ZFHX3: variants seen among roughly 807,000 people sequenced by gnomAD.
ZFHX3 encodes zinc finger homeobox protein 3.
Under a neutral mutation model 279.1 loss-of-function variants are expected in ZFHX3, and 42 were observed. The observed-to-expected ratio is 0.15, with a 90% CI of 0.12 to 0.19. The LOEUF is 0.19. Among genes scored for constraint, ZFHX3 ranks in the 10% least tolerant of loss-of-function variants. The pLI, the probability that ZFHX3 is intolerant of heterozygous loss-of-function variation, is 1.00. For synonymous variants in ZFHX3, 2,293 were observed against 1,957.8 expected, an observed-to-expected ratio of 1.17 and a Z score of -4.52; for missense variants, 4,981 against 4,754.0, an observed-to-expected ratio of 1.05 and a Z score of -1.40.
At chr16:73,729,468 G>A (rs928617282) in intron 1 of ZFHX3, among the ~76,000 whole-genome samples, 9 of 151,972 alleles carry the variant, frequency 5.9e-5, no homozygotes, top group Non-Finnish European at 1.3e-4. Flanking sequence ...GGCAGAGGCT[G>A]TAGTGAGCCG....
rs2035986720 is a variant in ZFHX3 at position 72,798,374 on chromosome 16, G to A, written c.4308C>T (p.Arg1436=). 1.2e-6 allele frequency: 2 copies of A among 1,614,212 alleles called. No homozygotes were observed. The highest frequency in any genetic ancestry group is 1.7e-6 in the Non-Finnish European group (2 of 1,180,038). Residue 1436 remains arginine (R), a synonymous_variant, in exon 9 of 10, where the codon CGC becomes CGT. Coordinates refer to ENST00000268489, the MANE Select transcript of ZFHX3 (RefSeq NM_006885.4). ...RAATMCCLCQ[R]SFRTFQALKK... ...TCAGAGCCTGGAAAGTTCGGAAACT[G>A]CGCTGACAAAGACAGCACATGGTGG...
At chr16:73,132,421 G>C (rs1966703400) in intron 6 of ZFHX3, among the ~76,000 whole-genome samples, 1 of 152,146 alleles carries the variant, frequency 6.6e-6, no homozygotes, top group African/African-American at 2.4e-5. Context: ...CAAGAAGAGG[G>C]AAGGAGACTG....
chr16:73,462,237 A>T (rs952942870), intron 2 of ZFHX3, among the ~76,000 whole-genome samples: 2 of 152,288 alleles, frequency 1.3e-5, no homozygotes, highest in Admixed American at 6.5e-5. Flanking sequence ...TAACTTATTC[A>T]TTCTAAAAGC....
intron 1 of ZFHX3, among the ~76,000 whole-genome samples, chr16:73,706,888 A>G (rs114977532): frequency 0.032 from 4,935 of 152,234 alleles, 269 homozygotes; most frequent in African/African-American, 0.11. Context: ...TCCATGAGTT[A>G]CTTGTCTTCT....
At chr16:73,768,714 A>C (rs2053982563) in intron 1 of ZFHX3, among the ~76,000 whole-genome samples, 1 of 152,206 alleles carries the variant, frequency 6.6e-6, no homozygotes, top group South Asian at 2.1e-4. Context: ...ATTTGAGATA[A>C]CAGATTAAAT....
chr16:73,860,833 A>G (rs1458795576), intron 1 of ZFHX3, among the ~76,000 whole-genome samples: 2 of 152,174 alleles, frequency 1.3e-5, no homozygotes, highest in African/African-American at 2.4e-5. Flanking sequence ...AACAAGTGTC[A>G]GGGGCCACTC....
chr16:73,471,817 G>A (rs1267682660), intron 2 of ZFHX3, among the ~76,000 whole-genome samples: 7 of 152,192 alleles, frequency 4.6e-5, no homozygotes, highest in Non-Finnish European at 1.0e-4. Context: ...GAGAAAATGA[G>A]GAAGCTGCTT....
intron 3 of ZFHX3, among the ~76,000 whole-genome samples, chr16:73,436,415 C>T (rs1196183087): frequency 6.6e-6 from 1 of 152,104 alleles, no homozygotes; most frequent in Non-Finnish European, 1.5e-5. Context: ...TACATGGCAG[C>T]AGACAAGAGA....
intron 1 of ZFHX3, among the ~76,000 whole-genome samples, chr16:72,970,895 A>T (rs372842632): frequency 2.0e-5 from 3 of 152,354 alleles, no homozygotes; most frequent in East Asian, 3.9e-4. Context: ...TGTCAAATTT[A>T]TGTTAAATCA....
intron 3 of ZFHX3, among the ~76,000 whole-genome samples, chr16:73,365,212 C>G (rs940131530): frequency 6.6e-6 from 1 of 152,372 alleles, no homozygotes; most frequent in African/African-American, 2.4e-5. Context: ...CTGGAGACAG[C>G]TGCTGCCTGG....
intron 2 of ZFHX3, among the ~76,000 whole-genome samples, chr16:73,591,714 A>AAAG (rs1555526756): frequency 1.4e-4 from 21 of 145,356 alleles, no homozygotes; most frequent in Non-Finnish European, 9.2e-5. Flanking sequence ...AAAAAAAAAA[A>AAAG]AAAAGAAAAG....
In ZFHX3 at chr16:73,488,962, T is replaced by C. The variant is rs527412518; in HGVS notation, c.-1546-32704A>G. Among the ~76,000 whole-genome samples, 9 of 152,324 alleles carry C rather than the reference T, an allele frequency of 5.9e-5. No homozygotes were observed. In the South Asian group the frequency reaches 1.9e-3, roughly 32 times the overall value. On this transcript the variant is annotated intron_variant, in intron 2 of 17. Coordinates refer to the ZFHX3 transcript ENST00000641206. The stretch of plus-strand genomic sequence containing the variant: ...AATAGTTCCTATCTCATATGGCTGT[T>C]GTGAAGATTAAATGAAATTATACAA...
At chr16:73,502,842 T>A (rs775574221) in intron 2 of ZFHX3, among the ~76,000 whole-genome samples, 44 of 152,210 alleles carry the variant, frequency 2.9e-4, no homozygotes, top group Non-Finnish European at 5.9e-4. Context: ...GGACTTCTTC[T>A]CATTTCCCTG....
At chr16:73,513,254 A>C (rs2019463581) in intron 2 of ZFHX3, among the ~76,000 whole-genome samples, 1 of 152,140 alleles carries the variant, frequency 6.6e-6, no homozygotes, top group Non-Finnish European at 1.5e-5. Flanking sequence ...TGCAGTTACC[A>C]CTCAGTAGCT....
At chr16:72,829,555 C>T in intron 5 of ZFHX3, 2 of 506,938 alleles carry the variant, frequency 3.9e-6, no homozygotes, top group Non-Finnish European at 7.0e-6. Context: ...ACTTAAAAAG[C>T]TTAACCATTA....
chr16:73,631,767 G>T (rs1175830807), intron 2 of ZFHX3, among the ~76,000 whole-genome samples: 1 of 152,040 alleles, frequency 6.6e-6, no homozygotes, highest in Non-Finnish European at 1.5e-5. Flanking sequence ...ATTAGCCAGG[G>T]ATGGTGGTGC....
chr16:73,493,714 T>C (rs1457198812), intron 2 of ZFHX3, among the ~76,000 whole-genome samples: 1 of 152,096 alleles, frequency 6.6e-6, no homozygotes, highest in Non-Finnish European at 1.5e-5. Flanking sequence ...GGTAATTTCC[T>C]AGCTGTTGAG....
chr16:73,807,613 T>C (rs1007077209), intron 1 of ZFHX3, among the ~76,000 whole-genome samples: 7 of 137,748 alleles, frequency 5.1e-5, no homozygotes, highest in East Asian at 4.2e-4. Context: ...CATTCCACCA[T>C]GCCCCAATTT....
chr16:73,743,597 C>T (rs1264863975), intron 1 of ZFHX3, among the ~76,000 whole-genome samples: 1 of 152,098 alleles, frequency 6.6e-6, no homozygotes, highest in Non-Finnish European at 1.5e-5. Context: ...GGAAGTATGA[C>T]AGCTAAAAAT....
Sources: gnomAD v4.1 joint callset for allele counts (sites outside exome capture counted in the v4.1 genomes callset) on GRCh38, gnomAD v4.1.1 for gene constraint, MANE v1.5 for transcripts, NCBI Gene and HGNC (gene_info 2026-07-23, HGNC 2026-07-21) for gene names.